Variants in TBC1D22A observed in about 807,000 individuals in gnomAD.
TBC1D22A encodes TBC1 domain family member 22A.
TBC1D22A carries 38 observed loss-of-function variants against 60.2 expected under a neutral mutation model. The ratio of observed to expected loss-of-function variants is 0.63; its 90% confidence interval spans 0.49 to 0.83. The LOEUF (loss-of-function observed/expected upper bound fraction) is 0.83, where lower values mean the gene tolerates loss of function less well. TBC1D22A is among the 40% of genes least tolerant of loss of function. The probability of loss-of-function intolerance (pLI) is 0.00; values close to 1 mark genes in which losing one functional copy is unlikely to be tolerated. For synonymous variants in TBC1D22A, 302 were observed against 281.7 expected, an observed-to-expected ratio of 1.07 and a Z score of -0.72; for missense variants, 628 against 701.0, an observed-to-expected ratio of 0.90 and a Z score of 1.18.
intron 11 of TBC1D22A, among the ~76,000 whole-genome samples, chr22:47,076,220 C>T (rs971647536): frequency 5.3e-5 from 8 of 151,456 alleles, no homozygotes; most frequent in Non-Finnish European, 1.2e-4. Context: ...AAGTCTGCAC[C>T]GGAAAACAGA....
chr22:46,935,598 C>G (rs1602549195), intron 8 of TBC1D22A, among the ~76,000 whole-genome samples: 1 of 152,220 alleles, frequency 6.6e-6, no homozygotes. Context: ...CGTCTCGCCC[C>G]CCTCCTTTCC....
At chr22:46,875,611 T>C (rs775528508) in intron 4 of TBC1D22A, among the ~76,000 whole-genome samples, 90 of 152,132 alleles carry the variant, frequency 5.9e-4, no homozygotes, top group Admixed American at 1.0e-3. Flanking sequence ...GCCATGATGC[T>C]TGGCTAATTT....
Position 46,810,566 on chromosome 22 carries a change from A to G in TBC1D22A, c.637+12946A>G, listed in dbSNP as rs192937199. ...CATAAAATCATCAAATTTTTAAGTA[A>G]AAATTCTGTTTTAAAAACTTGAGGT... On this transcript the variant is annotated intron_variant, in intron 4 of 12. Transcript: ENST00000337137. Among the ~76,000 whole-genome samples, 7 of 152,328 alleles carry G rather than the reference A, an allele frequency of 4.6e-5. No individual in the cohort carries two copies. In the East Asian group the frequency reaches 1.3e-3, roughly 29 times the overall value.
intron 10 of TBC1D22A, among the ~76,000 whole-genome samples, chr22:47,014,249 C>T (rs1223653640): frequency 6.6e-6 from 1 of 152,236 alleles, no homozygotes; most frequent in Non-Finnish European, 1.5e-5. Flanking sequence ...ATCTGCTTCC[C>T]AGGTCCTCCC....
chr22:47,148,196 C>A (rs555401266), intron 12 of TBC1D22A, among the ~76,000 whole-genome samples: 1 of 152,042 alleles, frequency 6.6e-6, no homozygotes, highest in African/African-American at 2.4e-5. Flanking sequence ...GTGGGATTCC[C>A]GTGGATAAAG....
At position 46,999,650 on chromosome 22, in the gene TBC1D22A, G is replaced by A. The variant is rs187011603; in HGVS notation, c.1201+1941G>A. ...TTGCCTCCTAGAGAAAGGATTTGTGGGTTGGAACTTTTTGCAGGGATTGTA... is the reference window on the plus strand; with the variant it reads ...TTGCCTCCTAGAGAAAGGATTTGTGAGTTGGAACTTTTTGCAGGGATTGTA... On this transcript the variant is annotated intron_variant, in intron 10 of 12. Coordinates refer to ENST00000337137, the MANE Select transcript of TBC1D22A (RefSeq NM_014346.5). Among the ~76,000 whole-genome samples the A allele has an allele frequency of 8.5e-5, 13 of 152,240 alleles. No individual in the cohort carries two copies. In the East Asian group the frequency reaches 9.7e-4, roughly 11 times the overall value.
At chr22:46,899,942 G>A (rs553888779) in intron 7 of TBC1D22A, among the ~76,000 whole-genome samples, 5 of 152,136 alleles carry the variant, frequency 3.3e-5, no homozygotes, top group Admixed American at 6.5e-5. Flanking sequence ...GATTTCTGCC[G>A]TAAGCATCCC....
intron 8 of TBC1D22A, chr22:46,913,217 A>G: frequency 4.8e-6 from 3 of 619,000 alleles, no homozygotes; most frequent in South Asian, 1.9e-5. Flanking sequence ...TAAAACATAA[A>G]TAGGAAAGAG....
intron 10 of TBC1D22A, among the ~76,000 whole-genome samples, chr22:47,018,281 TGC>T (rs1569342903): frequency 6.6e-6 from 1 of 152,272 alleles, no homozygotes; most frequent in Non-Finnish European, 1.5e-5. Context: ...TTCTGCTGGA[TGC>T]GTGTGGATCT....
At chr22:46,928,401 G>C (rs1476598133) in intron 8 of TBC1D22A, among the ~76,000 whole-genome samples, 1 of 152,196 alleles carries the variant, frequency 6.6e-6, no homozygotes, top group Non-Finnish European at 1.5e-5. Flanking sequence ...TTCCACTCCT[G>C]CCTCTCTGTA....
At chr22:46,991,314 CT>C (rs1307675858) in intron 9 of TBC1D22A, among the ~76,000 whole-genome samples, 3 of 152,206 alleles carry the variant, frequency 2.0e-5, no homozygotes, top group Non-Finnish European at 4.4e-5. Context: ...CCCTTCCCTC[CT>C]CTTGGCAGAG....
chr22:47,102,141 G>T (rs1011543436), intron 11 of TBC1D22A, among the ~76,000 whole-genome samples: 6 of 152,198 alleles, frequency 3.9e-5, no homozygotes, highest in African/African-American at 1.4e-4. Context: ...AAGGTTCATC[G>T]CTGAGGATCC....
intron 9 of TBC1D22A, among the ~76,000 whole-genome samples, chr22:46,977,880 A>G (rs1362892650): frequency 6.6e-6 from 1 of 152,194 alleles, no homozygotes; most frequent in African/African-American, 2.4e-5. Context: ...CGCCCCCAGG[A>G]TCCGGTCACC....
intron 4 of TBC1D22A, among the ~76,000 whole-genome samples, chr22:46,858,581 C>T (rs999443659): frequency 1.3e-5 from 2 of 152,186 alleles, no homozygotes; most frequent in Admixed American, 6.5e-5. Context: ...CCTGCAGAGG[C>T]GCCTGCAGGC....
At chr22:46,984,695 G>C (rs558931008) in intron 9 of TBC1D22A, among the ~76,000 whole-genome samples, 16 of 152,294 alleles carry the variant, frequency 1.1e-4, no homozygotes, top group African/African-American at 3.4e-4. Flanking sequence ...GAACTGTTTG[G>C]TGGCATGGAG....
chr22:47,051,956 T>C (rs934647164), intron 11 of TBC1D22A, among the ~76,000 whole-genome samples: 2 of 152,198 alleles, frequency 1.3e-5, no homozygotes, highest in Non-Finnish European at 2.9e-5. Flanking sequence ...CACTAGCACA[T>C]CTCACAGTGT....
rs376767051 is a variant in TBC1D22A, at chr22:46,966,058, G to A, written c.1016-8232G>A. 3.9e-5 allele frequency among the ~76,000 whole-genome samples: 6 copies of A among 152,256 alleles called. No individual in the cohort carries two copies. In the East Asian group the frequency reaches 7.7e-4, roughly 20 times the overall value. On this transcript the variant is annotated intron_variant, in intron 8 of 12. Coordinates refer to ENST00000337137, the MANE Select transcript of TBC1D22A (RefSeq NM_014346.5). ...CTCTAACAAACAGCTGTCTTCTAGCGCTTCCCGTCCCTCTACAGGGAAGTC... is the reference window on the plus strand; with the variant it reads ...CTCTAACAAACAGCTGTCTTCTAGCACTTCCCGTCCCTCTACAGGGAAGTC...
At chr22:47,164,211 G>C (rs949783903) in intron 12 of TBC1D22A, among the ~76,000 whole-genome samples, 3 of 152,188 alleles carry the variant, frequency 2.0e-5, no homozygotes, top group Non-Finnish European at 4.4e-5. Context: ...CCCGCAGGCC[G>C]TTCTCATTTG....
chr22:47,137,051 A>T (rs112459582), intron 12 of TBC1D22A, among the ~76,000 whole-genome samples: 15 of 152,232 alleles, frequency 9.9e-5, no homozygotes, highest in African/African-American at 3.1e-4. Flanking sequence ...AAAGTAAAAT[A>T]AGATAAAAAG....
Sources: allele counts gnomAD v4.1 joint callset (sites outside exome capture counted in the v4.1 genomes callset), GRCh38; gene constraint gnomAD v4.1.1; transcripts MANE v1.5; gene names NCBI Gene and HGNC (gene_info 2026-07-23, HGNC 2026-07-21).